Variants in MACROD1 observed in about 807,000 individuals in gnomAD.
MACROD1 encodes the protein mono-ADP ribosylhydrolase 1, also known as ADP-ribose glycohydrolase MACROD1.
In MACROD1, 31 loss-of-function variants were observed where a neutral mutation model predicts 41.4. The observed-to-expected ratio is 0.75, with a 90% CI of 0.56 to 1.01. The LOEUF is 1.01. MACROD1 is among the 50% of genes least tolerant of loss of function. MACROD1 has a pLI of 0.00. For synonymous variants in MACROD1, 252 were observed against 203.4 expected, an observed-to-expected ratio of 1.24 and a Z score of -2.03; for missense variants, 473 against 460.0, an observed-to-expected ratio of 1.03 and a Z score of -0.26.
chr11:64,078,007 G>A (rs768929744), intron 3 of MACROD1, among the ~76,000 whole-genome samples: 39 of 152,302 alleles, frequency 2.6e-4, no homozygotes, highest in Non-Finnish European at 4.9e-4. Flanking sequence ...GGTCCCAGAC[G>A]CTCTCCCCGT....
At chr11:64,015,966 G>A (rs1943076022) in intron 3 of MACROD1, among the ~76,000 whole-genome samples, 1 of 152,182 alleles carries the variant, frequency 6.6e-6, no homozygotes, top group African/African-American at 2.4e-5. Flanking sequence ...TCCCCATGTG[G>A]GAGAATAGCC....
chr11:64,145,773 T>G (rs901230905), intron 3 of MACROD1, among the ~76,000 whole-genome samples: 13 of 152,130 alleles, frequency 8.5e-5, no homozygotes, highest in Middle Eastern at 3.4e-3. Flanking sequence ...GGATTTTTCT[T>G]TTTTTTTGAG....
At chr11:64,030,760 T>TG (rs1313286035) in intron 3 of MACROD1, among the ~76,000 whole-genome samples, 6 of 149,932 alleles carry the variant, frequency 4.0e-5, no homozygotes, top group African/African-American at 1.5e-4. Flanking sequence ...ATCGGGAAGG[T>TG]GGGGTTAGAA....
chr11:63,999,657 G>C lies in MACROD1; in HGVS notation c.771C>G (p.His257Gln). 6.2e-7 allele frequency: 1 copy of C among 1,609,368 alleles called. No homozygotes were observed. Among genetic ancestry groups the C allele is most frequent in the East Asian group, 2.2e-5 (1 of 44,744 alleles). The change falls in exon 6 of 11, where the codon CAC (histidine) becomes CAG (glutamine). Residue 257 changes from histidine (H) to glutamine (Q), a missense_variant. Coordinates refer to ENST00000255681, the MANE Select transcript of MACROD1 (RefSeq NM_014067.4). ...CGTCCCTCACCACCGAGCGGAGCCG[G>C]TGCTCCAGCAGCAGGTCCAGACTGC... Reference protein sequence around the residue: ...YLSSLDLLLEHRLRSVAFPCI... With the variant: ...YLSSLDLLLEQRLRSVAFPCI...
chr11:64,141,804 T>C (rs57060031), intron 3 of MACROD1, among the ~76,000 whole-genome samples: 2,350 of 152,098 alleles, frequency 0.015, 34 homozygotes, highest in South Asian at 0.091. Flanking sequence ...GGCCACCCCA[T>C]GTGGGGGCAG....
intron 3 of MACROD1, among the ~76,000 whole-genome samples, chr11:64,035,112 G>A (rs1204128435): frequency 2.0e-5 from 3 of 152,116 alleles, no homozygotes; most frequent in Admixed American, 1.3e-4. Context: ...AGGTAGTAAC[G>A]GTCCCATTTC....
At chr11:64,094,099 C>T (rs990273576) in intron 3 of MACROD1, among the ~76,000 whole-genome samples, 3 of 152,062 alleles carry the variant, frequency 2.0e-5, no homozygotes, top group African/African-American at 7.2e-5. Flanking sequence ...GAGTTTGAGA[C>T]CAGCCTGGAC....
chr11:64,101,451 CGGCCACAGCTGACTGGAGCCTCTG>C (rs771480703), intron 3 of MACROD1, among the ~76,000 whole-genome samples: 62 of 152,232 alleles, frequency 4.1e-4, no homozygotes, highest in Non-Finnish European at 8.2e-4. Context: ...CGGGAGGCAG[CGGCCACAGCTGACTGGAGCCTCTG>C]GGCTCCCAGG....
chr11:64,006,552 A>ATTATGTACACAACGGCAGTGCCTC (rs1942917294), intron 4 of MACROD1, among the ~76,000 whole-genome samples: 2 of 152,220 alleles, frequency 1.3e-5, no homozygotes, highest in African/African-American at 4.8e-5. Context: ...TTAGGGCTTC[A>ATTATGTACACAACGGCAGTGCCTC]TTATGTACAC....
In MACROD1 at chr11:64,117,640, C is replaced by T. The variant is rs768326608; in HGVS notation, c.517+33599G>A. On this transcript the variant is annotated intron_variant, in intron 3 of 10. Transcript: ENST00000255681. The stretch of plus-strand genomic sequence containing the variant: ...TCCATCCGCATCACGTGGAAGGCCA[C>T]GCTCCCCGCCTCCTCTTTCCGGCTC... The T allele has an allele frequency of 2.6e-5, 42 of 1,613,602 alleles. No individual in the cohort carries two copies. Among genetic ancestry groups the T allele is most frequent in the East Asian group, 1.8e-4 (8 of 44,896 alleles).
Position 64,082,270 on chromosome 11 carries a change from G to C in MACROD1, c.518-66989C>G, listed in dbSNP as rs1360458704. On this transcript the variant is annotated intron_variant, in intron 3 of 10. Transcript: ENST00000255681. This position sits in a 1 kb window ranked among gnomAD's most constrained non-coding sequence, Gnocchi z 4.5. The stretch of plus-strand genomic sequence containing the variant: ...AGCAGAGGATGGCTGAGCCTGGGGG[G>C]TGGAGAAAATCTTGCCTCCTGCTCT... Among the ~76,000 whole-genome samples the C allele has an allele frequency of 6.6e-6, 1 of 152,130 alleles. No individual in the cohort carries two copies. Among genetic ancestry groups the C allele is most frequent in the Non-Finnish European group, 1.5e-5 (1 of 68,014 alleles).
At chr11:64,123,239 C>A (rs1373825158) in intron 3 of MACROD1, among the ~76,000 whole-genome samples, 1 of 152,192 alleles carries the variant, frequency 6.6e-6, no homozygotes, top group Non-Finnish European at 1.5e-5. Flanking sequence ...TCGATTGGCA[C>A]AGGTGACGGT....
At chr11:64,062,295 CAGTG>C (rs992229717) in intron 3 of MACROD1, among the ~76,000 whole-genome samples, 1 of 152,128 alleles carries the variant, frequency 6.6e-6, no homozygotes, top group African/African-American at 2.4e-5. Flanking sequence ...ATGCATCTAT[CAGTG>C]AGTGAGTGAT....
chr11:64,009,701 G>A (rs561244450), intron 4 of MACROD1, among the ~76,000 whole-genome samples: 29 of 152,232 alleles, frequency 1.9e-4, no homozygotes, highest in African/African-American at 7.0e-4. Context: ...GGAGTCCTGT[G>A]CCCTCCAGGT....
rs2134692961 is a variant in MACROD1 at position 64,146,852 on chromosome 11, C to A, written c.517+4387G>T. ...GACCTCACACACACACTCTATCACA[C>A]ACACCCCACGCATCACACAAGCACA... On this transcript the variant is annotated intron_variant, in intron 3 of 10. Coordinates refer to ENST00000255681, the MANE Select transcript of MACROD1 (RefSeq NM_014067.4). The surrounding 1 kb of genome is among the most constrained non-coding windows in gnomAD (Gnocchi z 4.7). Among the ~76,000 whole-genome samples, 1 of 152,024 alleles carries A rather than the reference C, an allele frequency of 6.6e-6. No individual in the cohort carries two copies. Among genetic ancestry groups the A allele is most frequent in the East Asian group, 1.9e-4 (1 of 5,162 alleles).
chr11:64,050,616 G>C (rs780051249), intron 3 of MACROD1, among the ~76,000 whole-genome samples: 12 of 152,214 alleles, frequency 7.9e-5, no homozygotes, highest in Non-Finnish European at 1.6e-4. Context: ...CGGTGACCAT[G>C]ACCCAGCAGT....
intron 3 of MACROD1, among the ~76,000 whole-genome samples, chr11:64,135,812 C>T (rs1478823540): frequency 6.6e-6 from 1 of 152,200 alleles, no homozygotes; most frequent in Non-Finnish European, 1.5e-5. Flanking sequence ...TTACCCTCTT[C>T]TCTGGTGCCC....
chr11:64,022,522 G>T (rs1337034324), intron 3 of MACROD1, among the ~76,000 whole-genome samples: 1 of 152,196 alleles, frequency 6.6e-6, no homozygotes, highest in Non-Finnish European at 1.5e-5. Context: ...CCCACTTCCT[G>T]CAGGCCAGCG....
chr11:64,018,212 C>A (rs1293341096), intron 3 of MACROD1, among the ~76,000 whole-genome samples: 2 of 152,140 alleles, frequency 1.3e-5, no homozygotes, highest in Non-Finnish European at 2.9e-5. Context: ...AGGCCACCCA[C>A]GCACAGTGGG....
Sources: allele counts gnomAD v4.1 joint callset (sites outside exome capture counted in the v4.1 genomes callset), GRCh38; gene constraint gnomAD v4.1.1; non-coding constraint Gnocchi (gnomAD v3.1); transcripts MANE v1.5; gene names NCBI Gene and HGNC (gene_info 2026-07-23, HGNC 2026-07-21).